MCM9: variants seen among roughly 807,000 people sequenced by gnomAD.
The protein encoded by MCM9 is minichromosome maintenance 9 homologous recombination repair factor.
Under a neutral mutation model 72.8 loss-of-function variants are expected in MCM9, and 55 were observed. That is an observed-to-expected ratio of 0.76 (90% CI 0.61 to 0.95). MCM9 has a LOEUF of 0.95. Among genes scored for constraint, MCM9 ranks in the 40% least tolerant of loss-of-function variants. The pLI, the probability that MCM9 is intolerant of heterozygous loss-of-function variation, is 0.00. For missense variants in MCM9, 1,279 were observed against 1,377.0 expected (o/e 0.93, Z 1.13); for synonymous variants, 480 against 503.4 (o/e 0.95, Z 0.62).
chr6:118,850,939 C>A (rs1776179596), intron 9 of MCM9, among the ~76,000 whole-genome samples: 1 of 151,750 alleles, frequency 6.6e-6, no homozygotes, highest in African/African-American at 2.4e-5. Flanking sequence ...CCTCCTCAGC[C>A]TCTTGAGTAG....
intron 8 of MCM9, among the ~76,000 whole-genome samples, chr6:118,858,782 C>T (rs147690489): frequency 0.011 from 1,617 of 152,030 alleles, 12 homozygotes; most frequent in Middle Eastern, 0.017. Context: ...AATTGAGAGA[C>T]GAAATAAACT....
chr6:118,836,704 T>G (rs896182343), intron 9 of MCM9, among the ~76,000 whole-genome samples: 1 of 152,172 alleles, frequency 6.6e-6, no homozygotes, highest in South Asian at 2.1e-4. Context: ...CCCTTTATCA[T>G]TTTTTATTGT....
chr6:118,819,040 A>C (rs569869485), intron 13 of MCM9, among the ~76,000 whole-genome samples: 1 of 152,304 alleles, frequency 6.6e-6, no homozygotes, highest in South Asian at 2.1e-4. Context: ...GGGGTTTTCT[A>C]AATATACAAT....
intron 13 of MCM9, among the ~76,000 whole-genome samples, chr6:118,820,136 A>C (rs1334064992): frequency 6.6e-6 from 1 of 151,624 alleles, no homozygotes; most frequent in Non-Finnish European, 1.5e-5. Context: ...TTCTGCTCTG[A>C]TCTTAGTTAT....
intron 8 of MCM9, among the ~76,000 whole-genome samples, chr6:118,869,786 C>T (rs1777480779): frequency 6.6e-6 from 1 of 151,800 alleles, no homozygotes; most frequent in African/African-American, 2.4e-5. Context: ...GACTCTCAGA[C>T]TGAAAGTGAA....
chr6:118,891,851 C>A (rs916426566), intron 8 of MCM9, among the ~76,000 whole-genome samples: 4 of 152,190 alleles, frequency 2.6e-5, no homozygotes, highest in Non-Finnish European at 4.4e-5. Context: ...CCCCAAGTAA[C>A]CCATAGTGAG....
intron 5 of MCM9, chr6:118,920,465 T>C (rs1025905650): frequency 2.0e-5 from 3 of 152,234 alleles, no homozygotes; most frequent in African/African-American, 7.2e-5. Flanking sequence ...CAGCCTGATA[T>C]AGTTTGGATA....
In MCM9 at chr6:118,913,554, C is replaced by T. The variant is rs148329149; in HGVS notation, c.905-134G>A. 3.6e-6 allele frequency: 4 copies of T among 1,104,492 alleles called. No homozygotes were observed. The African/African-American group carries it at 6.3e-5, about 17-fold the overall frequency. The allele number at this position is 1,104,492 out of a possible 1,614,324, so 68.4% of individuals were successfully genotyped here. A position where few individuals can be genotyped will look rare whatever the true frequency, so the allele number is the denominator to read the frequency against. ...GTGAAGTGATCAGGAGGTCCAATTC[C>T]AAATGACCAACAGGATTAAAGGAGG... On this transcript the variant is annotated intron_variant, in intron 6 of 13. Coordinates refer to ENST00000619706, the MANE Select transcript of MCM9 (RefSeq NM_017696.3).
intron 8 of MCM9, among the ~76,000 whole-genome samples, chr6:118,877,362 C>G (rs143773335): frequency 1.6e-3 from 243 of 152,276 alleles, no homozygotes; most frequent in Admixed American, 4.5e-3. Flanking sequence ...AAGAGAAAGA[C>G]AGACAACCTA....
In MCM9 at chr6:118,838,583, C is replaced by T. The variant is rs560746788; in HGVS notation, c.1326-9333G>A. 1.5e-4 allele frequency among the ~76,000 whole-genome samples: 23 copies of T among 152,256 alleles called. No individual in the cohort carries two copies. The South Asian group carries it at 4.8e-3, about 32-fold the overall frequency. On this transcript the variant is annotated intron_variant, in intron 9 of 13. Transcript: ENST00000619706. ...GGGACTACAGGCACCCGCCACCACA[C>T]CTGGCTTTTTTGTATTTTTATTAGA...
intron 8 of MCM9, chr6:118,907,316 A>G: frequency 1.0e-6 from 1 of 954,490 alleles, no homozygotes; most frequent in South Asian, 1.6e-5. Flanking sequence ...GAGTACTAAC[A>G]TGAACCATTT....
chr6:118,894,443 G>A (rs1480529466), intron 8 of MCM9: 31 of 1,537,144 alleles, frequency 2.0e-5, no homozygotes, highest in Non-Finnish European at 2.6e-5. Flanking sequence ...ACAATGTAGT[G>A]GTGCTGGATA....
chr6:118,839,946 G>A (rs550754806), intron 9 of MCM9, among the ~76,000 whole-genome samples: 38 of 152,246 alleles, frequency 2.5e-4, no homozygotes, highest in Admixed American at 2.2e-3. Context: ...GAGCTCGAGC[G>A]CTGTGCTGGG....
intron 8 of MCM9, among the ~76,000 whole-genome samples, chr6:118,872,736 T>C (rs1047900542): frequency 3.9e-5 from 6 of 151,988 alleles, no homozygotes; most frequent in African/African-American, 1.5e-4. Flanking sequence ...ACATTAGTGC[T>C]ACTGAATGAA....
chr6:118,868,371 A>G (rs545858161), intron 8 of MCM9, among the ~76,000 whole-genome samples: 15 of 152,318 alleles, frequency 9.8e-5, no homozygotes, highest in African/African-American at 3.6e-4. Flanking sequence ...CAAGGACTTC[A>G]TGACTTAAAT....
chr6:118,825,729 T>C (rs999831350), intron 13 of MCM9, among the ~76,000 whole-genome samples: 2 of 152,238 alleles, frequency 1.3e-5, no homozygotes, highest in Admixed American at 1.3e-4. Context: ...CACTAAGGCA[T>C]GTGACATGTT....
intron 9 of MCM9, among the ~76,000 whole-genome samples, chr6:118,845,296 A>G (rs1775783426): frequency 6.6e-6 from 1 of 151,868 alleles, no homozygotes; most frequent in Non-Finnish European, 1.5e-5. Context: ...TACAGCTGCT[A>G]ATATATATAC....
intron 13 of MCM9, among the ~76,000 whole-genome samples, chr6:118,820,633 T>C (rs1773735079): frequency 6.6e-6 from 1 of 152,190 alleles, no homozygotes; most frequent in African/African-American, 2.4e-5. Flanking sequence ...AGATGTCTAT[T>C]AGGTCCACTT....
At chr6:118,841,503 C>T (rs1775364841) in intron 9 of MCM9, among the ~76,000 whole-genome samples, 1 of 152,174 alleles carries the variant, frequency 6.6e-6, no homozygotes, top group South Asian at 2.1e-4. Context: ...TGTACAATAG[C>T]AGTGGTTCCT....
Sources: gnomAD v4.1 joint callset for allele counts (sites outside exome capture counted in the v4.1 genomes callset) on GRCh38, gnomAD v4.1.1 for gene constraint, MANE v1.5 for transcripts, NCBI Gene and HGNC (gene_info 2026-07-23, HGNC 2026-07-21) for gene names.